Variants in WDR7 observed in about 807,000 individuals in gnomAD.
WDR7 encodes the protein WD repeat domain 7.
Under a neutral mutation model 169.4 loss-of-function variants are expected in WDR7, and 46 were observed. That is an observed-to-expected ratio of 0.27 (90% CI 0.21 to 0.35). The LOEUF (loss-of-function observed/expected upper bound fraction) is 0.35. Among genes scored for constraint, WDR7 ranks in the 10% least tolerant of loss-of-function variants. The probability of loss-of-function intolerance (pLI) is 1.00; values close to 1 mark genes in which losing one functional copy is unlikely to be tolerated. For missense variants in WDR7, 1,534 were observed against 1,859.3 expected (o/e 0.83, Z 3.22); for synonymous variants, 612 against 666.8 (o/e 0.92, Z 1.27).
chr18:56,984,937 CTTG>C (rs548456316), intron 26 of WDR7, among the ~76,000 whole-genome samples: 69 of 152,154 alleles, frequency 4.5e-4, no homozygotes, highest in Middle Eastern at 3.4e-3. Flanking sequence ...AACCTCGGGC[CTTG>C]TTGTTGATTA....
At chr18:56,987,078 G>A (rs149083592) in intron 26 of WDR7, among the ~76,000 whole-genome samples, 83 of 152,080 alleles carry the variant, frequency 5.5e-4, no homozygotes, top group African/African-American at 1.9e-3. Flanking sequence ...TCTGAGTTGC[G>A]GATCAAGTTT....
At chr18:56,889,029 T>C (rs535518874) in intron 21 of WDR7, among the ~76,000 whole-genome samples, 40 of 152,254 alleles carry the variant, frequency 2.6e-4, no homozygotes, top group Admixed American at 7.8e-4. Context: ...AGTCAGTCAT[T>C]GGATTGGAAA....
intron 19 of WDR7, among the ~76,000 whole-genome samples, chr18:56,794,121 A>G (rs1599048831): frequency 6.6e-6 from 1 of 151,990 alleles, no homozygotes; most frequent in East Asian, 1.9e-4. Flanking sequence ...TCAAACGTAG[A>G]GAAAGGTGGA....
intron 14 of WDR7, among the ~76,000 whole-genome samples, chr18:56,742,206 TCTTTTA>T (rs964543471): frequency 6.6e-6 from 1 of 152,234 alleles, no homozygotes; most frequent in Non-Finnish European, 1.5e-5. Flanking sequence ...AGGAGAAATT[TCTTTTA>T]CTATCTCACA....
chr18:56,872,092 C>T (rs889569048), intron 20 of WDR7, among the ~76,000 whole-genome samples: 1 of 135,672 alleles, frequency 7.4e-6, no homozygotes, highest in African/African-American at 3.9e-5. Flanking sequence ...ATATATGGCT[C>T]AATAGCACAT....
At chr18:56,964,291 ATTCT>A (rs1202533634) in intron 26 of WDR7, among the ~76,000 whole-genome samples, 2 of 152,028 alleles carry the variant, frequency 1.3e-5, no homozygotes, top group African/African-American at 4.8e-5. Context: ...TCAAAAAGAC[ATTCT>A]TTCTTAACAA....
chr18:56,811,781 T>C (rs2044873991), intron 19 of WDR7, among the ~76,000 whole-genome samples: 1 of 152,152 alleles, frequency 6.6e-6, no homozygotes, highest in Non-Finnish European at 1.5e-5. Context: ...TAAAATCATT[T>C]TGGCAGATTG....
chr18:56,936,187 T>C (rs1313563780), intron 23 of WDR7: 1 of 347,326 alleles, frequency 2.9e-6, no homozygotes, highest in East Asian at 5.2e-5. Context: ...ACAGCAGGCA[T>C]ATGAAAACTC....
intron 19 of WDR7, among the ~76,000 whole-genome samples, chr18:56,791,315 A>G (rs1410471414): frequency 2.6e-5 from 4 of 152,216 alleles, no homozygotes; most frequent in African/African-American, 4.8e-5. Flanking sequence ...CTGATTTAAA[A>G]CATATAATTA....
intron 20 of WDR7, among the ~76,000 whole-genome samples, chr18:56,869,968 C>T (rs1568239952): frequency 6.6e-6 from 1 of 152,092 alleles, no homozygotes; most frequent in Non-Finnish European, 1.5e-5. Flanking sequence ...CATACATCCT[C>T]CACATGAGCC....
chr18:57,004,984 T>TTTCCTGGTTG (rs2048035324), intron 26 of WDR7, among the ~76,000 whole-genome samples: 4 of 152,152 alleles, frequency 2.6e-5, no homozygotes, highest in African/African-American at 9.7e-5. Flanking sequence ...ATTTAAAGAG[T>TTTCCTGGTTG]ACTCTTGGGT....
intron 21 of WDR7, among the ~76,000 whole-genome samples, chr18:56,910,052 A>G: frequency 6.6e-6 from 1 of 152,190 alleles, no homozygotes; most frequent in Middle Eastern, 3.2e-3. Context: ...ACATATGTAC[A>G]TGGCAGTAGC....
At position 56,776,876 on chromosome 18, in the gene WDR7, T is replaced by C. The variant is rs1401956524; in HGVS notation, c.2943T>C (p.Asn981=). 2 of 1,612,314 alleles carry C rather than the reference T, an allele frequency of 1.2e-6. No homozygotes were observed. The highest frequency in any genetic ancestry group is 1.7e-5 in the Admixed American group (1 of 59,994). ...CTTTACATACCTGTTTCTTAGTAAA[T>C]GAAGGTATCTCTCTCAACTTCTAAC... is the stretch of plus-strand genomic sequence containing the variant. ...APALHTCFLV[N]EGWSQLAAMH... Residue 981 remains asparagine (N), a synonymous_variant, in exon 17 of 28, where the codon AAT becomes AAC. Coordinates refer to ENST00000254442, the MANE Select transcript of WDR7 (RefSeq NM_015285.3).
At chr18:56,870,388 C>T (rs1284633923) in intron 20 of WDR7, among the ~76,000 whole-genome samples, 1 of 151,952 alleles carries the variant, frequency 6.6e-6, no homozygotes, top group Non-Finnish European at 1.5e-5. Flanking sequence ...GTGAAAACTC[C>T]ACTGAGGGCC....
chr18:56,963,469 C>A (rs1403740661), intron 26 of WDR7, among the ~76,000 whole-genome samples: 1 of 151,966 alleles, frequency 6.6e-6, no homozygotes, highest in Non-Finnish European at 1.5e-5. Context: ...GGCTTCTTTC[C>A]ATGAAGTAGT....
At chr18:56,995,191 T>C (rs9945478) in intron 26 of WDR7, among the ~76,000 whole-genome samples, 6,351 of 152,206 alleles carry the variant, frequency 0.042, 424 homozygotes, top group African/African-American at 0.14. Context: ...TAAATTAAGA[T>C]AGAGGAGGAC....
In WDR7 at chr18:56,898,515, G is replaced by A. The variant is rs140148531; in HGVS notation, c.3526+18350G>A. Among the ~76,000 whole-genome samples the A allele has an allele frequency of 3.7e-3, 560 of 152,112 alleles. 6 individuals are homozygous for A. The highest frequency in any genetic ancestry group is 5.8e-3 in the Non-Finnish European group (396 of 67,914). On this transcript the variant is annotated intron_variant, in intron 21 of 27. Transcript: ENST00000254442. ...GCTTAAACAAATGATGAAGGGTAGCGTTGTCAGTAATAAAACATTTCAACG... is the reference window on the plus strand; with the variant it reads ...GCTTAAACAAATGATGAAGGGTAGCATTGTCAGTAATAAAACATTTCAACG...
chr18:56,836,759 A>C (rs1411428991), intron 20 of WDR7, among the ~76,000 whole-genome samples: 1 of 152,226 alleles, frequency 6.6e-6, no homozygotes, highest in East Asian at 1.9e-4. Context: ...CCTTTCAACT[A>C]AAACTTCTAA....
rs1229252163 is a variant in WDR7 at position 56,891,546 on chromosome 18, T to C, written c.3526+11381T>C. Among the ~76,000 whole-genome samples, 11 of 89,596 alleles carry C rather than the reference T, an allele frequency of 1.2e-4. No homozygotes were observed. In the Admixed American group the frequency reaches 1.5e-3, roughly 12 times the overall value. 58.8% of individuals were successfully genotyped at this position (89,596 alleles called of 152,430 possible). On this transcript the variant is annotated intron_variant, in intron 21 of 27. Coordinates refer to ENST00000254442, the MANE Select transcript of WDR7 (RefSeq NM_015285.3). ...AAGGAAAGGAAATAGCTCTTTAAAATCTGTATATAGTTTTTAATCTTCGTA... is the reference window on the plus strand; with the variant it reads ...AAGGAAAGGAAATAGCTCTTTAAAACCTGTATATAGTTTTTAATCTTCGTA...
Sources: allele counts gnomAD v4.1 joint callset (sites outside exome capture counted in the v4.1 genomes callset), GRCh38; gene constraint gnomAD v4.1.1; transcripts MANE v1.5; gene names NCBI Gene and HGNC (gene_info 2026-07-23, HGNC 2026-07-21).